ZNF618: variants seen among roughly 807,000 people sequenced by gnomAD.
The protein encoded by ZNF618 is zinc finger protein 618.
In ZNF618, 34 loss-of-function variants were observed where a neutral mutation model predicts 103.0. The ratio of observed to expected loss-of-function variants is 0.33; its 90% CI spans 0.25 to 0.44. ZNF618 has a LOEUF of 0.44. ZNF618 is among the 20% of genes least tolerant of loss of function. ZNF618 has a pLI of 1.00. For synonymous variants in ZNF618, 551 were observed against 542.2 expected (o/e 1.02, Z -0.23); for missense variants, 1,059 against 1,295.4 (o/e 0.82, Z 2.80).
chr9:113,982,962 A>G (rs911893748), intron 2 of ZNF618, among the ~76,000 whole-genome samples: 1 of 152,184 alleles, frequency 6.6e-6, no homozygotes, highest in Non-Finnish European at 1.5e-5. Context: ...TATCCTTTTA[A>G]TGTTTGACTT....
chr9:114,024,128 T>G (rs149725247), intron 10 of ZNF618, among the ~76,000 whole-genome samples: 2 of 152,352 alleles, frequency 1.3e-5, no homozygotes, highest in Non-Finnish European at 1.5e-5. Context: ...AGCCTTGTTT[T>G]CCTTCTGTGC....
chr9:113,914,485 T>C (rs191899636), intron 1 of ZNF618, among the ~76,000 whole-genome samples: 1 of 152,224 alleles, frequency 6.6e-6, no homozygotes, highest in Non-Finnish European at 1.5e-5. Context: ...CCTCAGTGTA[T>C]GCAACAAAAT....
At chr9:113,903,292 T>C (rs7870363) in intron 1 of ZNF618, among the ~76,000 whole-genome samples, 63,577 of 152,040 alleles carry the variant, frequency 0.42, 13,974 homozygotes, top group East Asian at 0.64. Context: ...TACTTTCCAT[T>C]CTCCTAAGCC....
intron 10 of ZNF618, among the ~76,000 whole-genome samples, chr9:114,025,407 G>A (rs1843405834): frequency 1.3e-5 from 2 of 152,090 alleles, no homozygotes; most frequent in South Asian, 4.1e-4. Context: ...AATTTTTTTG[G>A]TCCAGTTAAA....
chr9:114,014,471 G>T (rs1409038104), intron 9 of ZNF618, among the ~76,000 whole-genome samples: 5 of 152,098 alleles, frequency 3.3e-5, no homozygotes, highest in South Asian at 2.1e-4. Flanking sequence ...TTGATTTTTT[G>T]ATCTCCTTTT....
chr9:113,954,981 C>T (rs1311156320), intron 1 of ZNF618, among the ~76,000 whole-genome samples: 1 of 152,126 alleles, frequency 6.6e-6, no homozygotes, highest in Non-Finnish European at 1.5e-5. Context: ...ACCATTTCAT[C>T]CCTTTTATCT....
intron 1 of ZNF618, among the ~76,000 whole-genome samples, chr9:113,936,451 AAT>A (rs1834036370): frequency 6.6e-6 from 1 of 152,260 alleles, no homozygotes; most frequent in Non-Finnish European, 1.5e-5. Context: ...AATTTTCTAG[AAT>A]ATGTCTGCTC....
intron 10 of ZNF618, among the ~76,000 whole-genome samples, chr9:114,017,345 C>T (rs1842731646): frequency 6.6e-6 from 1 of 152,128 alleles, no homozygotes; most frequent in South Asian, 2.1e-4. Flanking sequence ...AGGCTGCGTC[C>T]TGACCCTGGA....
chr9:113,939,410 A>G (rs1328600422), intron 1 of ZNF618, among the ~76,000 whole-genome samples: 1 of 152,126 alleles, frequency 6.6e-6, no homozygotes, highest in Non-Finnish European at 1.5e-5. Context: ...ACATTTATAT[A>G]GGAATTTTGG....
chr9:114,030,402 A>G lies in ZNF618; in HGVS notation c.1084+1430A>G, dbSNP rs1205278710. On this transcript the variant is annotated intron_variant, in intron 11 of 14. Transcript: ENST00000374126. ...TGATAGATATCGGCTCCACTAAATC[A>G]TGGAATCGTGGCTTTCAAATCTTGC... Among the ~76,000 whole-genome samples, 4 of 152,220 alleles carry G rather than the reference A, an allele frequency of 2.6e-5. No individual in the cohort carries two copies. The East Asian group carries it at 7.7e-4, about 29-fold the overall frequency.
chr9:113,906,018 G>A (rs879939379), intron 1 of ZNF618, among the ~76,000 whole-genome samples: 35 of 152,070 alleles, frequency 2.3e-4, no homozygotes, highest in African/African-American at 7.0e-4. Context: ...GATATATTTC[G>A]ATCAGTTTCT....
intron 1 of ZNF618, among the ~76,000 whole-genome samples, chr9:113,941,839 TTTCTC>T (rs1834582282): frequency 6.6e-6 from 1 of 152,248 alleles, no homozygotes; most frequent in Admixed American, 6.5e-5. Flanking sequence ...GTACTGTTCT[TTTCTC>T]TGCCATGCAG....
intron 8 of ZNF618, 34 bp downstream of exon 8, chr9:114,008,413 G>C (rs372726119): frequency 2.9e-4 from 468 of 1,613,876 alleles, no homozygotes; most frequent in Non-Finnish European, 3.6e-4. Context: ...CACCTCCCCT[G>C]TCCCCGGCTG....
At chr9:114,028,477 C>G in intron 10 of ZNF618, 1 of 541,534 alleles carries the variant, frequency 1.8e-6, no homozygotes, top group Non-Finnish European at 3.3e-6. Flanking sequence ...AGAGACTGGG[C>G]TGGTCAAGGG....
chr9:113,891,742 A>G (rs542833874), intron 1 of ZNF618, among the ~76,000 whole-genome samples: 11 of 152,340 alleles, frequency 7.2e-5, no homozygotes, highest in African/African-American at 2.6e-4. Flanking sequence ...TAAACAAAAT[A>G]TGATGTATTC....
chr9:113,969,211 C>A, intron 2 of ZNF618, 51 bp downstream of exon 2: 1 of 1,607,056 alleles, frequency 6.2e-7, no homozygotes, highest in Non-Finnish European at 8.5e-7. Flanking sequence ...CTCAGGTCTT[C>A]ATGACTAACA....
At chr9:113,955,721 T>A (rs943740612) in intron 1 of ZNF618, among the ~76,000 whole-genome samples, 1 of 152,192 alleles carries the variant, frequency 6.6e-6, no homozygotes, top group Non-Finnish European at 1.5e-5. Flanking sequence ...CCTTCTGTAA[T>A]TATTTCTCTT....
chr9:114,045,584 G>A (rs753035067), intron 13 of ZNF618, among the ~76,000 whole-genome samples: 6 of 151,858 alleles, frequency 4.0e-5, no homozygotes, highest in Non-Finnish European at 7.4e-5. Context: ...CTATATGTCC[G>A]TCCTGTGCCA....
At chr9:114,046,205 T>C (rs1350218767) in intron 13 of ZNF618, among the ~76,000 whole-genome samples, 1 of 152,192 alleles carries the variant, frequency 6.6e-6, no homozygotes, top group Non-Finnish European at 1.5e-5. Flanking sequence ...TCTGGATGTT[T>C]TTCTTTTTTT....
Sources: gnomAD v4.1 joint callset for allele counts (sites outside exome capture counted in the v4.1 genomes callset) on GRCh38, gnomAD v4.1.1 for gene constraint, MANE v1.5 for transcripts, NCBI Gene and HGNC (gene_info 2026-07-23, HGNC 2026-07-21) for gene names.